The following BLNK variants were observed in gnomAD, a reference collection of about 807,000 sequenced individuals.
The protein encoded by BLNK is B cell linker.
In BLNK, 29 loss-of-function variants were observed where a neutral mutation model predicts 73.5. The observed-to-expected ratio is 0.39, with a 90% CI of 0.29 to 0.54. BLNK has a LOEUF of 0.54. BLNK is among the 20% of genes least tolerant of loss of function. The pLI, the probability that BLNK is intolerant of heterozygous loss-of-function variation, is 0.61. For missense variants in BLNK, 460 were observed against 562.8 expected, an observed-to-expected ratio of 0.82 and a Z score of 1.85; for synonymous variants, 176 against 200.8, an observed-to-expected ratio of 0.88 and a Z score of 1.04.
In BLNK at chr10:96,209,839, C is replaced by T. The variant is rs143028297; in HGVS notation, c.745G>A (p.Gly249Arg). 57 of 1,614,094 alleles carry T rather than the reference C, an allele frequency of 3.5e-5. No homozygotes were observed. The highest frequency in any genetic ancestry group is 3.9e-5 in the Non-Finnish European group (46 of 1,180,036). The change falls in exon 9 of 17, where the codon GGG becomes AGG. Residue 249 changes from glycine to arginine, a missense_variant and splice_region_variant. Around this residue, in one of 3 missense-constraint regions of BLNK, gnomAD observed 233 missense variants for 232.1 expected, o/e 1.00. Coordinates refer to ENST00000224337, the MANE Select transcript of BLNK (RefSeq NM_013314.4). ...CTGCTTCCTGCAACAGGTACTTACC[C>T]GGCCCGTGGCAACGGGGATGGTGCA... The part of the protein sequence containing the change: ...PAAPSPLPRA[G>R]KKPTTPLKTT...
At position 96,197,428 on chromosome 10, in the gene BLNK, C is replaced by T. The variant is rs146316872; in HGVS notation, c.1096-365G>A. Reference sequence around the variant, plus strand: ...CAAGCGATCCTCCCACCTCAGCCTCCTGAGTACCTGGGACTACTGGCATGC... The same window carrying T: ...CAAGCGATCCTCCCACCTCAGCCTCTTGAGTACCTGGGACTACTGGCATGC... On this transcript the variant is annotated intron_variant, in intron 15 of 16. Coordinates refer to ENST00000224337, the MANE Select transcript of BLNK (RefSeq NM_013314.4). 5.2e-3 allele frequency among the ~76,000 whole-genome samples: 797 copies of T among 152,274 alleles called. 6 individuals are homozygous for T. The highest frequency in any genetic ancestry group is 0.012 in the South Asian group (60 of 4,822).
chr10:96,205,981 A>C (rs2083793184), intron 11 of BLNK, among the ~76,000 whole-genome samples: 1 of 152,212 alleles, frequency 6.6e-6, no homozygotes, highest in Non-Finnish European at 1.5e-5. Flanking sequence ...CAAGGAATGG[A>C]AGTACAGAAA....
chr10:96,190,575 A>T lies in BLNK; in HGVS notation c.*1398T>A, dbSNP rs1250405274. ...TAGGTGGCAATTATGAAAGTTTATGACATTTAAATATACAATTATCTTTAG... is the reference window on the plus strand; with the variant it reads ...TAGGTGGCAATTATGAAAGTTTATGTCATTTAAATATACAATTATCTTTAG... On this transcript the variant is annotated 3_prime_UTR_variant, in exon 17 of 17. Coordinates refer to ENST00000224337, the MANE Select transcript of BLNK (RefSeq NM_013314.4). Among the ~76,000 whole-genome samples the T allele has an allele frequency of 6.6e-6, 1 of 152,224 alleles. No homozygotes were observed. Among genetic ancestry groups the T allele is most frequent in the Non-Finnish European group, 1.5e-5 (1 of 68,034 alleles).
intron 8 of BLNK, among the ~76,000 whole-genome samples, chr10:96,214,615 G>A (rs1670038176): frequency 6.6e-6 from 1 of 152,176 alleles, no homozygotes; most frequent in African/African-American, 2.4e-5. Context: ...AAACAGGGGT[G>A]CCCGCAGGGG....
At chr10:96,234,040 C>G (rs1157800523) in intron 3 of BLNK, among the ~76,000 whole-genome samples, 2 of 152,314 alleles carry the variant, frequency 1.3e-5, no homozygotes, top group Non-Finnish European at 2.9e-5. Context: ...AGTGGAGAAA[C>G]TTGGTTTTGA....
At chr10:96,208,889 G>A (rs1023359407) in intron 9 of BLNK, among the ~76,000 whole-genome samples, 3 of 152,158 alleles carry the variant, frequency 2.0e-5, no homozygotes, top group African/African-American at 7.2e-5. Context: ...TAAGAGAGAC[G>A]TATGCAGAGT....
intron 3 of BLNK, among the ~76,000 whole-genome samples, chr10:96,239,539 A>G (rs1335416832): frequency 1.3e-5 from 2 of 152,352 alleles, no homozygotes; most frequent in Non-Finnish European, 2.9e-5. Context: ...AGAGGACCAC[A>G]TGCAATCAGG....
At chr10:96,233,737 G>A (rs1204564079) in intron 3 of BLNK, among the ~76,000 whole-genome samples, 2 of 152,202 alleles carry the variant, frequency 1.3e-5, no homozygotes, top group Admixed American at 6.5e-5. Context: ...GCACCGTGAT[G>A]TCACATGTAC....
intron 3 of BLNK, among the ~76,000 whole-genome samples, chr10:96,232,793 G>T (rs1169806353): frequency 6.6e-6 from 1 of 150,432 alleles, no homozygotes; most frequent in Non-Finnish European, 1.5e-5. Context: ...CAATGGGGGA[G>T]TATGTTTCTT....
chr10:96,224,100 A>G, intron 5 of BLNK, 111 bp from the exon 6 acceptor site: 1 of 1,264,766 alleles, frequency 7.9e-7, no homozygotes. Context: ...ATGTAGCCAC[A>G]AATGATCCAC....
At chr10:96,227,706 G>A in intron 4 of BLNK, 140 bp from the exon 5 acceptor site, 5 of 1,305,652 alleles carry the variant, frequency 3.8e-6, no homozygotes, top group South Asian at 1.2e-5. Context: ...CTAGGCAGCC[G>A]ATAAGAGGCA....
chr10:96,243,527 A>G (rs1842941865), intron 2 of BLNK, among the ~76,000 whole-genome samples: 2 of 152,200 alleles, frequency 1.3e-5, no homozygotes, highest in South Asian at 4.1e-4. Flanking sequence ...AGCTTGGGCG[A>G]CAGAGCGAGA....
rs34920263 is a variant in BLNK, at chr10:96,191,235, C to CTTT, written c.*735_*737dup. ...GTGGAACTGTGAGTCCATTAAACCT[C>CTTT]TTTTTTTTTTTTTTTTTTTATGTAA... is the stretch of plus-strand genomic sequence containing the variant. On this transcript the variant is annotated 3_prime_UTR_variant, in exon 17 of 17. Coordinates refer to ENST00000224337, the MANE Select transcript of BLNK (RefSeq NM_013314.4). Among the ~76,000 whole-genome samples the CTTT allele has an allele frequency of 0.13, 16,868 of 130,082 alleles. 1,473 individuals carry two copies. Among genetic ancestry groups the CTTT allele is most frequent in the African/African-American group, 0.24 (8,106 of 34,326 alleles). 85.3% of individuals were successfully genotyped at this position (130,082 alleles called of 152,430 possible).
intron 1 of BLNK, among the ~76,000 whole-genome samples, chr10:96,266,274 C>A (rs1843996736): frequency 6.6e-6 from 1 of 152,136 alleles, no homozygotes; most frequent in Non-Finnish European, 1.5e-5. Context: ...ATCTAGGAGG[C>A]AGGGCTGGAA....
intron 3 of BLNK, among the ~76,000 whole-genome samples, chr10:96,240,444 G>A (rs1488699945): frequency 6.6e-6 from 1 of 152,104 alleles, no homozygotes; most frequent in East Asian, 1.9e-4. Context: ...TATATTTTAA[G>A]AGATGGGATC....
chr10:96,215,415 A>G lies in BLNK; in HGVS notation c.608-26T>C, dbSNP rs782747999. The G allele has an allele frequency of 1.5e-3, 1,184 of 798,684 alleles. 2 individuals carry two copies. The Middle Eastern group carries it at 0.03, about 20-fold the overall frequency. The allele number at this position is 798,684 out of a possible 1,614,324, so 49.5% of individuals were successfully genotyped here. A position where few individuals can be genotyped will look rare whatever the true frequency, so the allele number is the denominator to read the frequency against. On this transcript the variant is annotated intron_variant, in intron 7 of 16. Coordinates refer to ENST00000224337, the MANE Select transcript of BLNK (RefSeq NM_013314.4). ...CTTAAACACAGAAATGTGTGTGTAT[A>G]TATATATATATATATACATAAAACC...
chr10:96,228,603 A>G (rs926743750), intron 4 of BLNK, among the ~76,000 whole-genome samples: 2 of 152,204 alleles, frequency 1.3e-5, no homozygotes, highest in African/African-American at 2.4e-5. Flanking sequence ...CTGAAAATAC[A>G]TTGTCACGGT....
At chr10:96,250,134 A>G (rs1042269405) in intron 1 of BLNK, among the ~76,000 whole-genome samples, 30 of 152,160 alleles carry the variant, frequency 2.0e-4, no homozygotes, top group Non-Finnish European at 3.5e-4. Flanking sequence ...CACTGATGAT[A>G]CAAGTGTAAG....
At chr10:96,225,431 A>G (rs1486669231) in intron 5 of BLNK, among the ~76,000 whole-genome samples, 1 of 151,992 alleles carries the variant, frequency 6.6e-6, no homozygotes, top group African/African-American at 2.4e-5. Flanking sequence ...TATGTGGTTA[A>G]CTTCACCTCC....
Sources: allele counts gnomAD v4.1 joint callset (sites outside exome capture counted in the v4.1 genomes callset), GRCh38; gene constraint gnomAD v4.1.1; regional missense constraint gnomAD v4.1.1; transcripts MANE v1.5; gene names NCBI Gene and HGNC (gene_info 2026-07-23, HGNC 2026-07-21).